Variants in GLYATL1 observed in about 807,000 individuals in gnomAD.
The protein encoded by GLYATL1 is glycine N-acyltransferase-like protein 1.
In GLYATL1, 15 loss-of-function variants were observed where a neutral mutation model predicts 20.0. That is an observed-to-expected ratio of 0.75 (90% CI 0.50 to 1.15). The LOEUF (loss-of-function observed/expected upper bound fraction) is 1.15, where lower values mean the gene tolerates loss of function less well. Among genes scored for constraint, GLYATL1 ranks in the 50% most tolerant of loss-of-function variants. The pLI is 0.00. For missense variants in GLYATL1, 380 were observed against 368.5 expected (o/e 1.03, Z -0.26); for synonymous variants, 151 against 131.5 (o/e 1.15, Z -1.01).
chr11:58,905,773 G>A (rs1854858466), intron 1 of GLYATL1: 3 of 385,234 alleles, frequency 7.8e-6, no homozygotes, highest in East Asian at 7.4e-5. Context: ...CAGTCCCCTC[G>A]GCCTGGCCGT....
In GLYATL1 at chr11:58,907,217, G is replaced by GTC. The variant is rs141204903; in HGVS notation, n.239-12_239-11dup. The GTC allele has an allele frequency of 5.0e-4, 227 of 450,978 alleles. 1 individual carries two copies. The highest frequency in any genetic ancestry group is 2.3e-3 in the Middle Eastern group (7 of 3,058). The allele number at this position is 450,978 out of a possible 1,614,324, so 27.9% of individuals were successfully genotyped here. ...CCTCTTCATATATCCTGAGTTTTCT[G>GTC]TCTCTCTCTCTCTGCCTCTGCAGGT... On this transcript the variant is annotated intron_variant and non_coding_transcript_variant, in intron 1 of 1. Coordinates refer to the GLYATL1 transcript ENST00000524629.
At position 58,955,800 on chromosome 11, in the gene GLYATL1, G is replaced by T. The variant is rs199728495; in HGVS notation, c.682G>T (p.Glu228Ter). Residue 228 changes from glutamate to a stop codon, truncating the protein, a stop_gained, in exon 7 of 7, where the codon GAA (glutamate) becomes TAA (stop). Coordinates refer to ENST00000532726, the MANE Select transcript of GLYATL1 (RefSeq NM_001389712.2). LOFTEE classifies it low-confidence loss of function (END_TRUNC). Reference sequence around the variant, plus strand: ...ATGGGTAACCATGGACCCTTCTTGTGAAGTAGGAATGGCCTACAGCATGGA... The same window carrying T: ...ATGGGTAACCATGGACCCTTCTTGTTAAGTAGGAATGGCCTACAGCATGGA... ...VSWVTMDPSC[E>*]VGMAYSMEKY... The T allele has an allele frequency of 1.3e-5, 21 of 1,614,070 alleles. No homozygotes were observed. Among genetic ancestry groups the T allele is most frequent in the Non-Finnish European group, 1.7e-5 (20 of 1,180,048 alleles).
chr11:58,910,310 G>A (rs1171715589), downstream of GLYATL1, among the ~76,000 whole-genome samples: 3 of 152,046 alleles, frequency 2.0e-5, no homozygotes, highest in Non-Finnish European at 2.9e-5. Context: ...TTGCTTAGGA[G>A]GAGTTCTTCA....
intron 1 of GLYATL1, among the ~76,000 whole-genome samples, chr11:58,919,629 C>G (rs1339835041): frequency 6.6e-6 from 1 of 152,016 alleles, no homozygotes; most frequent in Non-Finnish European, 1.5e-5. Context: ...CAAACAACCC[C>G]GAAAAGGTAC....
chr11:58,944,034 C>A (rs982930074), intron 2 of GLYATL1, among the ~76,000 whole-genome samples: 3 of 151,094 alleles, frequency 2.0e-5, no homozygotes, highest in African/African-American at 7.3e-5. Context: ...AGAATAAAGA[C>A]AATATTTTAG....
At chr11:58,929,510 A>G (rs1855522372) in intron 1 of GLYATL1, among the ~76,000 whole-genome samples, 1 of 152,004 alleles carries the variant, frequency 6.6e-6, no homozygotes, top group South Asian at 2.1e-4. Flanking sequence ...TTTTTTTGTA[A>G]TGTTTCACCC....
chr11:58,922,240 T>C (rs1025268749), intron 1 of GLYATL1, among the ~76,000 whole-genome samples: 1 of 152,184 alleles, frequency 6.6e-6, no homozygotes, highest in Admixed American at 6.5e-5. Context: ...TTAAATAGCA[T>C]CAGGTTGAGC....
downstream of GLYATL1, among the ~76,000 whole-genome samples, chr11:58,910,269 A>G (rs1855007538): frequency 6.6e-6 from 1 of 152,198 alleles, no homozygotes; most frequent in African/African-American, 2.4e-5. Context: ...CTGTAAATAA[A>G]GGAGACGTGT....
chr11:58,907,722 G>T, exon 2 of GLYATL1: 2 of 193,624 alleles, frequency 1.0e-5, no homozygotes, highest in Non-Finnish European at 2.2e-5. Flanking sequence ...CACAACTTTG[G>T]GTGCCAAAAA....
upstream of GLYATL1, among the ~76,000 whole-genome samples, chr11:58,937,155 C>T (rs1277664847): frequency 6.6e-6 from 1 of 152,178 alleles, no homozygotes; most frequent in Non-Finnish European, 1.5e-5. Context: ...AAACAGCTTT[C>T]TTTTGCTACA....
intron 3 of GLYATL1, 191 bp from the exon 4 acceptor site, chr11:58,947,667 G>C: frequency 1.7e-6 from 1 of 579,754 alleles, no homozygotes; most frequent in East Asian, 2.9e-5. Context: ...TCCTACCTGT[G>C]AGTTCTGCCT....
chr11:58,913,090 G>A (rs1355699928), downstream of GLYATL1, among the ~76,000 whole-genome samples: 2 of 152,156 alleles, frequency 1.3e-5, no homozygotes, highest in Admixed American at 1.3e-4. Context: ...ATGTAGCTGG[G>A]ATCAAGGGGA....
At chr11:58,948,577 G>A (rs1565132423) in intron 4 of GLYATL1, among the ~76,000 whole-genome samples, 1 of 152,104 alleles carries the variant, frequency 6.6e-6, no homozygotes, top group Non-Finnish European at 1.5e-5. Context: ...GAAGGTCGAG[G>A]TTGCATTGAG....
chr11:58,917,850 G>A (rs772247219), intron 1 of GLYATL1, among the ~76,000 whole-genome samples: 16 of 152,166 alleles, frequency 1.1e-4, no homozygotes, highest in Admixed American at 2.6e-4. Context: ...TTCAGTCCTG[G>A]CTTCTTAGAT....
chr11:58,912,665 G>C (rs1205019170), downstream of GLYATL1, among the ~76,000 whole-genome samples: 2 of 152,206 alleles, frequency 1.3e-5, no homozygotes, highest in Non-Finnish European at 2.9e-5. Flanking sequence ...TCTTATGGGA[G>C]TCTCACCACT....
chr11:58,923,128 C>G (rs919325260), upstream of GLYATL1, among the ~76,000 whole-genome samples: 1 of 152,146 alleles, frequency 6.6e-6, no homozygotes, highest in Non-Finnish European at 1.5e-5. Flanking sequence ...TGCTTCAGAC[C>G]GAATCCCTTC....
chr11:58,915,682 G>T (rs1177588110), intron 1 of GLYATL1, among the ~76,000 whole-genome samples: 1 of 152,180 alleles, frequency 6.6e-6, no homozygotes, highest in Non-Finnish European at 1.5e-5. Context: ...GCAGAATGAT[G>T]GCAAGAACTC....
At chr11:58,931,954 G>A (rs1565122944) in intron 1 of GLYATL1, among the ~76,000 whole-genome samples, 1 of 151,384 alleles carries the variant, frequency 6.6e-6, no homozygotes, top group Non-Finnish European at 1.5e-5. Flanking sequence ...TAGTAAAACA[G>A]TACAAAAATT....
chr11:58,945,702 A>C (rs1358533857), intron 2 of GLYATL1, among the ~76,000 whole-genome samples: 1 of 152,216 alleles, frequency 6.6e-6, no homozygotes, highest in African/African-American at 2.4e-5. Context: ...AGAGCAAAGA[A>C]AGCACTTGGA....
Sources: allele counts gnomAD v4.1 joint callset (sites outside exome capture counted in the v4.1 genomes callset), GRCh38; gene constraint gnomAD v4.1.1; transcripts MANE v1.5; gene names NCBI Gene and HGNC (gene_info 2026-07-23, HGNC 2026-07-21).